EPB41L4A: variants seen among roughly 807,000 people sequenced by gnomAD.
EPB41L4A encodes band 4.1-like protein 4A.
EPB41L4A carries 100 observed loss-of-function variants against 108.6 expected under a neutral mutation model. The observed-to-expected ratio is 0.92, with a 90% confidence interval of 0.78 to 1.09. The LOEUF is 1.09. Among genes scored for constraint, EPB41L4A ranks in the 50% least tolerant of loss-of-function variants. The pLI is 0.00. For synonymous variants in EPB41L4A, 319 were observed against 289.0 expected, an observed-to-expected ratio of 1.10 and a Z score of -1.05; for missense variants, 1,030 against 842.7, an observed-to-expected ratio of 1.22 and a Z score of -2.75.
chr5:112,395,254 T>C (rs1393629433), intron 1 of EPB41L4A, among the ~76,000 whole-genome samples: 1 of 152,162 alleles, frequency 6.6e-6, no homozygotes, highest in East Asian at 1.9e-4. Flanking sequence ...TGGGATCTAA[T>C]GAAACTAAAG....
chr5:112,345,790 C>T (rs62365201), intron 1 of EPB41L4A, among the ~76,000 whole-genome samples: 347 of 87,790 alleles, frequency 4.0e-3, no homozygotes, highest in African/African-American at 8.5e-3. Context: ...TACACACACA[C>T]ACACACACAC....
chr5:112,385,650 G>A (rs984430175), intron 1 of EPB41L4A, among the ~76,000 whole-genome samples: 4 of 152,024 alleles, frequency 2.6e-5, no homozygotes, highest in Admixed American at 2.0e-4. Flanking sequence ...CAAGTCAGAA[G>A]AGATAGCCTC....
chr5:112,260,752 G>T lies in EPB41L4A; in HGVS notation c.643-773C>A, dbSNP rs557500969. Among the ~76,000 whole-genome samples, 65 of 152,208 alleles carry T rather than the reference G, an allele frequency of 4.3e-4. 1 individual carries two copies. The highest frequency in any genetic ancestry group is 8.1e-4 in the Non-Finnish European group (55 of 68,008). ...AAAAAGTCATAGAGTAGATACCAAG[G>T]ACATGCACAGCACTGTTTGTGAGAA... is the stretch of plus-strand genomic sequence containing the variant. On this transcript the variant is annotated intron_variant, in intron 7 of 22. Transcript: ENST00000261486.
At chr5:112,273,720 G>C (rs1010365448) in intron 4 of EPB41L4A, among the ~76,000 whole-genome samples, 1 of 151,962 alleles carries the variant, frequency 6.6e-6, no homozygotes, top group African/African-American at 2.4e-5. Context: ...GAATATGAAG[G>C]ACTTTCATTT....
chr5:112,414,939 GT>G (rs1762623399), intron 1 of EPB41L4A, among the ~76,000 whole-genome samples: 1 of 152,078 alleles, frequency 6.6e-6, no homozygotes. Flanking sequence ...TCTTACGTTT[GT>G]GTGTGATTAC....
At chr5:112,242,648 CA>C (rs1481726092) in intron 9 of EPB41L4A, among the ~76,000 whole-genome samples, 18 of 152,190 alleles carry the variant, frequency 1.2e-4, no homozygotes, top group African/African-American at 3.6e-4. Context: ...AGAAGTTTTT[CA>C]CTTTGTTTGT....
intron 15 of EPB41L4A, among the ~76,000 whole-genome samples, chr5:112,199,064 T>C (rs763939479): frequency 1.3e-4 from 20 of 152,324 alleles, no homozygotes; most frequent in Non-Finnish European, 2.4e-4. Context: ...TGCACGTTAA[T>C]TAATGGCCTC....
chr5:112,258,358 A>G (rs1007086602), intron 9 of EPB41L4A, among the ~76,000 whole-genome samples: 4 of 152,212 alleles, frequency 2.6e-5, no homozygotes, highest in Admixed American at 1.3e-4. Context: ...GTGTGCATGC[A>G]TAAGCACCAA....
intron 9 of EPB41L4A, among the ~76,000 whole-genome samples, chr5:112,242,070 G>A (rs975052433): frequency 6.6e-6 from 1 of 152,190 alleles, no homozygotes; most frequent in African/African-American, 2.4e-5. Flanking sequence ...TGACTGACCA[G>A]GGTGGTAGTT....
chr5:112,152,815 C>A (rs533921624), intron 12 of EPB41L4A, among the ~76,000 whole-genome samples: 1 of 151,434 alleles, frequency 6.6e-6, no homozygotes, highest in South Asian at 2.1e-4. Flanking sequence ...AAAAAATTCT[C>A]GAAGCAAAAA....
intron 1 of EPB41L4A, among the ~76,000 whole-genome samples, chr5:112,321,073 C>T (rs941321675): frequency 6.6e-6 from 1 of 151,994 alleles, no homozygotes; most frequent in Non-Finnish European, 1.5e-5. Flanking sequence ...GGTCAGATGA[C>T]AGTATGTAGG....
intron 8 of EPB41L4A, 81 bp downstream of exon 8, chr5:112,259,810 T>C: frequency 9.8e-7 from 1 of 1,025,524 alleles, no homozygotes; most frequent in Non-Finnish European, 1.5e-6. Context: ...CCTGTTTTCT[T>C]TTCCCCAACT....
intron 1 of EPB41L4A, among the ~76,000 whole-genome samples, chr5:112,391,738 G>T (rs923563348): frequency 2.6e-5 from 4 of 152,016 alleles, no homozygotes; most frequent in African/African-American, 9.7e-5. Flanking sequence ...GAACACCATA[G>T]ATACTCCTCA....
At chr5:112,347,142 C>T (rs1314258447) in intron 1 of EPB41L4A, among the ~76,000 whole-genome samples, 1 of 152,162 alleles carries the variant, frequency 6.6e-6, no homozygotes, top group Non-Finnish European at 1.5e-5. Flanking sequence ...ATCAGCTAAC[C>T]ACAAAAGTGG....
chr5:112,250,829 C>T (rs1750605457), intron 9 of EPB41L4A: 1 of 152,146 alleles, frequency 6.6e-6, no homozygotes, highest in Non-Finnish European at 1.5e-5. Context: ...TGGCCCAATA[C>T]AAAGGCAGTT....
At chr5:112,378,252 T>A (rs77764421) in intron 1 of EPB41L4A, among the ~76,000 whole-genome samples, 1,688 of 151,506 alleles carry the variant, frequency 0.011, 42 homozygotes, top group African/African-American at 0.039. Context: ...TGGTAAAAAT[T>A]ATGTCTGTTC....
chr5:112,175,672 C>T (rs1358464122), intron 18 of EPB41L4A: 2 of 151,392 alleles, frequency 1.3e-5, no homozygotes, highest in African/African-American at 4.9e-5. Flanking sequence ...TTATATAGTA[C>T]ATATATTTTA....
chr5:112,299,064 T>C (rs1352862846), intron 2 of EPB41L4A, among the ~76,000 whole-genome samples: 1 of 152,206 alleles, frequency 6.6e-6, no homozygotes, highest in Non-Finnish European at 1.5e-5. Context: ...TTGCTAATGG[T>C]CTATCAATTT....
chr5:112,183,760 A>C (rs1239032582), intron 18 of EPB41L4A, among the ~76,000 whole-genome samples: 2 of 152,262 alleles, frequency 1.3e-5, no homozygotes, highest in African/African-American at 2.4e-5. Flanking sequence ...AGGTGAATGT[A>C]TACTTTGGTT....
Sources: gnomAD v4.1 joint callset for allele counts (sites outside exome capture counted in the v4.1 genomes callset) on GRCh38, gnomAD v4.1.1 for gene constraint, MANE v1.5 for transcripts, NCBI Gene and HGNC (gene_info 2026-07-23, HGNC 2026-07-21) for gene names.